Variants in MAP1A observed in about 807,000 individuals in gnomAD.
MAP1A encodes microtubule-associated protein 1A.
Under a neutral mutation model 185.9 loss-of-function variants are expected in MAP1A, and 42 were observed. The ratio of observed to expected loss-of-function variants is 0.23; its 90% confidence interval spans 0.18 to 0.29. The LOEUF (loss-of-function observed/expected upper bound fraction) is 0.29. Ranked by LOEUF, MAP1A falls within the 10% of genes least tolerant of loss-of-function variation. MAP1A has a pLI of 1.00. For missense variants in MAP1A, 2,995 were observed against 3,450.4 expected, an observed-to-expected ratio of 0.87 and a Z score of 3.31; for synonymous variants, 1,229 against 1,335.9, an observed-to-expected ratio of 0.92 and a Z score of 1.74.
intron 1 of MAP1A, among the ~76,000 whole-genome samples, chr15:43,511,570 A>G (rs2079278532): frequency 6.6e-6 from 1 of 152,090 alleles, no homozygotes; most frequent in African/African-American, 2.4e-5. Context: ...CCACGTCCCT[A>G]TCTTGCTGTA....
rs375898111 is a variant in MAP1A, at chr15:43,526,761, C to G, written c.5288C>G (p.Pro1763Arg). ...TTCAAGGATTTCCAGGAATCCTCAC[C>G]ACAGAAGGGGCTAGAGGTGGAGCGC... ...SDFKDFQESS[P>R]QKGLEVERWL... Residue 1763 changes from proline to arginine, a missense_variant, in exon 4 of 6, where the codon CCA becomes CGA. Pro to Arg is a moderately radical substitution (Grantham distance 103). Coordinates refer to ENST00000300231, the MANE Select transcript of MAP1A (RefSeq NM_002373.6). This position sits in a 1 kb window ranked among gnomAD's most constrained non-coding sequence, Gnocchi z 4.7. 36 of 1,614,040 alleles carry G rather than the reference C, an allele frequency of 2.2e-5. No homozygotes were observed. Among genetic ancestry groups the G allele is most frequent in the Admixed American group, 3.3e-5 (2 of 60,002 alleles).
At chr15:43,511,629 G>A (rs996468076) in intron 1 of MAP1A, among the ~76,000 whole-genome samples, 1 of 152,160 alleles carries the variant, frequency 6.6e-6, no homozygotes, top group Non-Finnish European at 1.5e-5. Flanking sequence ...TGAACGCCCC[G>A]TACAAATCTC....
Position 43,524,919 on chromosome 15 carries a change from A to C in MAP1A, c.3446A>C (p.Asp1149Ala), listed in dbSNP as rs1335382413. 2 of 1,614,046 alleles carry C rather than the reference A, an allele frequency of 1.2e-6. No homozygotes were observed. The highest frequency in any genetic ancestry group is 2.7e-5 in the African/African-American group (2 of 74,894). Reference protein sequence around the residue: ...RYPDRSLSPEDAESLSVLSVP... With the variant: ...RYPDRSLSPEAAESLSVLSVP... ...CCTGACCGAAGCCTCTCTCCTGAAG[A>C]TGCAGAATCCCTCTCTGTCCTCAGC... Residue 1149 changes from aspartate to alanine, a missense_variant, in exon 4 of 6, where the codon GAT becomes GCT. Coordinates refer to ENST00000300231, the MANE Select transcript of MAP1A (RefSeq NM_002373.6).
chr15:43,527,695 C>A lies in MAP1A; in HGVS notation c.6222C>A (p.Ser2074Arg). ...PRAPILSKGP[S>R]PPLNGNILSC... ...CTCCTATCCTGAGCAAAGGCCCAAG[C>A]CCCCCTCTTAATGGTAACATCCTGA... The change falls in exon 4 of 6, where the codon AGC becomes AGA. Residue 2074 changes from serine (S) to arginine (R), a missense_variant. By Grantham distance (110) the Ser-to-Arg change is moderately radical. Transcript: ENST00000300231. 6.2e-7 allele frequency: 1 copy of A among 1,612,502 alleles called. No individual in the cohort carries two copies. The highest frequency in any genetic ancestry group is 2.2e-5 in the East Asian group (1 of 44,754).
rs774151816 is a variant in MAP1A at position 43,528,760 on chromosome 15, G to A, written c.7287G>A (p.Glu2429=). ...SGGPPSSASP[E]VEAGPQGCAT... ...GCCCACCCAGCAGTGCCTCTCCTGA[G>A]GTCGAAGCTGGGCCCCAGGGATGTG... The change falls in exon 4 of 6, where the codon GAG becomes GAA. Residue 2429 remains glutamate (E), a synonymous_variant. Transcript: ENST00000300231. 1.2e-6 allele frequency: 2 copies of A among 1,613,428 alleles called. No individual in the cohort carries two copies. The highest frequency in any genetic ancestry group is 3.3e-5 in the Admixed American group (2 of 59,992).
At chr15:43,517,270 G>A (rs2079301015), upstream of MAP1A, among the ~76,000 whole-genome samples, 1 of 152,134 alleles carries the variant, frequency 6.6e-6, no homozygotes, top group South Asian at 2.1e-4. Flanking sequence ...TGGTTTCTAA[G>A]AGAAGGGGGA....
Position 43,529,153 on chromosome 15 carries a change from A to C in MAP1A, c.7680A>C (p.Pro2560=), listed in dbSNP as rs1595651540. ...GTHHPRPGHD[P]PPLPQPDPRP... ...ACCACCCCAGGCCTGGCCATGACCC[A>C]CCTCCTCTCCCACAGCCAGACCCCC... The change falls in exon 4 of 6, where the codon CCA becomes CCC. Residue 2560 remains proline, a synonymous_variant. Coordinates refer to ENST00000300231, the MANE Select transcript of MAP1A (RefSeq NM_002373.6). This position sits in a 1 kb window ranked among gnomAD's most constrained non-coding sequence, Gnocchi z 4.3. 1 of 1,612,030 alleles carries C rather than the reference A, an allele frequency of 6.2e-7. No individual in the cohort carries two copies. The highest frequency in any genetic ancestry group is 8.5e-7 in the Non-Finnish European group (1 of 1,179,624).
Position 43,528,102 on chromosome 15 carries a change from C to T in MAP1A, c.6629C>T (p.Thr2210Ile). Residue 2210 changes from threonine to isoleucine, a missense_variant, in exon 4 of 6, where the codon ACC becomes ATC. Transcript: ENST00000300231. ...CTGGCTCTGGCTCCAGGACCCCCCA[C>T]CAGAACCCGGCATGATGAATACCTG... ...RALALAPGPP[T>I]RTRHDEYLEV... is the part of the protein sequence containing the mutation. 4.3e-6 allele frequency: 7 copies of T among 1,614,100 alleles called. No homozygotes were observed. Among genetic ancestry groups the T allele is most frequent in the Non-Finnish European group, 5.9e-6 (7 of 1,180,010 alleles).
In MAP1A at chr15:43,524,529, C is replaced by G. The variant is rs1187304339; in HGVS notation, c.3056C>G (p.Ser1019Cys). Reference protein sequence around the residue: ...PFHQSPVEEKSEPQDFQEADS... With the variant: ...PFHQSPVEEKCEPQDFQEADS... Reference sequence around the variant, plus strand: ...CATCAGTCCCCAGTGGAAGAAAAGTCTGAGCCCCAAGACTTTCAGGAGGCA... The same window carrying G: ...CATCAGTCCCCAGTGGAAGAAAAGTGTGAGCCCCAAGACTTTCAGGAGGCA... Residue 1019 changes from serine (S) to cysteine (C), a missense_variant, in exon 4 of 6, where the codon TCT becomes TGT. Physicochemically the swap from Ser to Cys is moderately radical, Grantham distance 112. Transcript: ENST00000300231. The G allele has an allele frequency of 6.2e-7, 1 of 1,614,158 alleles. No homozygotes were observed. Among genetic ancestry groups the G allele is most frequent in the East Asian group, 2.2e-5 (1 of 44,872 alleles).
chr15:43,524,560 C>T lies in MAP1A; in HGVS notation c.3087C>T (p.Ser1029=). Residue 1029 remains serine, a synonymous_variant, in exon 4 of 6, where the codon TCC becomes TCT. Transcript: ENST00000300231. ...SEPQDFQEAD[S]WGDTKRTPGV... is the part of the protein sequence containing the mutation. ...CCCAAGACTTTCAGGAGGCAGACTC[C>T]TGGGGAGACACTAAGCGCACACCAG... 4 of 1,614,120 alleles carry T rather than the reference C, an allele frequency of 2.5e-6. No individual in the cohort carries two copies. The highest frequency in any genetic ancestry group is 3.4e-6 in the Non-Finnish European group (4 of 1,180,016).
In MAP1A at chr15:43,521,952, G is replaced by C. The variant is rs1217566207; in HGVS notation, c.479G>C (p.Cys160Ser). Reference sequence around the variant, plus strand: ...GCCAAGCGTAGCATTGAGGAGGCCTGCCTCACTCTGCAGCACTTAAACCGC... The same window carrying C: ...GCCAAGCGTAGCATTGAGGAGGCCTCCCTCACTCTGCAGCACTTAAACCGC... ...RKAKRSIEEA[C>S]LTLQHLNRLG... is the part of the protein sequence containing the mutation. Residue 160 changes from cysteine (C) to serine (S), a missense_variant, in exon 4 of 6, where the codon TGC (cysteine) becomes TCC (serine). Around this residue, in one of 3 missense-constraint regions of MAP1A, gnomAD observed 264 missense variants for 435.3 expected, o/e 0.61. Transcript: ENST00000300231. This position sits in a 1 kb window ranked among gnomAD's most constrained non-coding sequence, Gnocchi z 4.6. 1 of 1,614,148 alleles carries C rather than the reference G, an allele frequency of 6.2e-7. No individual in the cohort carries two copies. Among genetic ancestry groups the C allele is most frequent in the African/African-American group, 1.3e-5 (1 of 75,044 alleles).
exon 1 of MAP1A, chr15:43,511,209 G>T (rs2079275739): frequency 6.4e-7 from 1 of 1,550,400 alleles, no homozygotes; most frequent in Non-Finnish European, 8.7e-7. Flanking sequence ...AGGGCCGTGC[G>T]GGCCCACCTT....
rs2079360157 is a variant in MAP1A, at chr15:43,529,136, A to G, written c.7663A>G (p.Arg2555Gly). The G allele has an allele frequency of 1.2e-6, 2 of 1,613,324 alleles. No homozygotes were observed. Among genetic ancestry groups the G allele is most frequent in the African/African-American group, 2.7e-5 (2 of 74,976 alleles). Residue 2555 changes from arginine (R) to glycine (G), a missense_variant, in exon 4 of 6, where the codon AGG becomes GGG. Coordinates refer to ENST00000300231, the MANE Select transcript of MAP1A (RefSeq NM_002373.6). The surrounding 1 kb of genome is among the most constrained non-coding windows in gnomAD (Gnocchi z 4.3). ...GGGTGTCAGTGGTACTCACCACCCC[A>G]GGCCTGGCCATGACCCACCTCCTCT... ...AGGVSGTHHPRPGHDPPPLPQ... is the reference protein window; with the variant it reads ...AGGVSGTHHPGPGHDPPPLPQ...
In MAP1A at chr15:43,528,971, C is replaced by T. The variant is rs1299644808; in HGVS notation, c.7498C>T (p.Pro2500Ser). The change falls in exon 4 of 6, where the codon CCT becomes TCT. Residue 2500 changes from proline to serine, a missense_variant. Transcript: ENST00000300231. ...ATGCCCTGTGACTGATGAGACACCC[C>T]CTACATCAGCCAGTGACTCAGGCTC... ...GPCPVTDETP[P>S]TSASDSGSSQ... 2.5e-6 allele frequency: 4 copies of T among 1,613,266 alleles called. No homozygotes were observed. The highest frequency in any genetic ancestry group is 3.4e-6 in the Non-Finnish European group (4 of 1,180,022).
In MAP1A at chr15:43,526,399, G is replaced by T. The variant is rs372656438; in HGVS notation, c.4926G>T (p.Arg1642Ser). 3.9e-4 allele frequency: 629 copies of T among 1,614,078 alleles called. No individual in the cohort carries two copies. The highest frequency in any genetic ancestry group is 5.2e-4 in the Non-Finnish European group (612 of 1,180,040). Reference sequence around the variant, plus strand: ...GAGAGCAGGAAGAAAAGTACTGGAGGGGGCAGGATGTGGTCCAGGAGTGGC... The same window carrying T: ...GAGAGCAGGAAGAAAAGTACTGGAGTGGGCAGGATGTGGTCCAGGAGTGGC... ...RAREQEEKYW[R>S]GQDVVQEWQE... The change falls in exon 4 of 6, where the codon AGG (arginine) becomes AGT (serine). Residue 1642 changes from arginine (R) to serine (S), a missense_variant. Arg to Ser is a moderately radical substitution (Grantham distance 110, BLOSUM62 -1). Transcript: ENST00000300231. The surrounding 1 kb of genome is among the most constrained non-coding windows in gnomAD (Gnocchi z 4.7).
chr15:43,511,234 A>G, intron 1 of MAP1A: 2 of 1,546,620 alleles, frequency 1.3e-6, no homozygotes, highest in Non-Finnish European at 8.7e-7. Context: ...AAGGTGAGCC[A>G]CTGTTCTGGC....
Position 43,524,576 on chromosome 15 carries a change from C to T in MAP1A, c.3103C>T (p.Arg1035Cys), listed in dbSNP as rs372701580. ...GGCAGACTCCTGGGGAGACACTAAG[C>T]GCACACCAGGTGTGGGCAAAGAAGA... ...QEADSWGDTK[R>C]TPGVGKEDAA... The change falls in exon 4 of 6, where the codon CGC becomes TGC. Residue 1035 changes from arginine to cysteine, a missense_variant. By Grantham distance (180) the Arg-to-Cys change is radical. Coordinates refer to ENST00000300231, the MANE Select transcript of MAP1A (RefSeq NM_002373.6). 4.6e-5 allele frequency: 74 copies of T among 1,614,004 alleles called. No homozygotes were observed. Among genetic ancestry groups the T allele is most frequent in the African/African-American group, 8.0e-5 (6 of 74,904 alleles).
At chr15:43,519,185 C>G (rs551941894) in intron 1 of MAP1A, among the ~76,000 whole-genome samples, 1 of 152,336 alleles carries the variant, frequency 6.6e-6, no homozygotes, top group South Asian at 2.1e-4. Flanking sequence ...AAGCCCTGCC[C>G]TTGCCTACAT....
At position 43,527,946 on chromosome 15, in the gene MAP1A, G is replaced by A. The variant is rs755004939; in HGVS notation, c.6473G>A (p.Arg2158Gln). Reference sequence around the variant, plus strand: ...TTGGACTCACACCTGGGGCCTGCCCGACCCAGTCTGGACTTCCCTGCTTCA... The same window carrying A: ...TTGGACTCACACCTGGGGCCTGCCCAACCCAGTCTGGACTTCCCTGCTTCA... ...PPLDSHLGPA[R>Q]PSLDFPASAF... The change falls in exon 4 of 6, where the codon CGA (arginine) becomes CAA (glutamine). Residue 2158 changes from arginine to glutamine, a missense_variant. Physicochemically the swap from Arg to Gln is conservative, Grantham distance 43. Coordinates refer to ENST00000300231, the MANE Select transcript of MAP1A (RefSeq NM_002373.6). The A allele has an allele frequency of 1.4e-5, 23 of 1,614,028 alleles. No individual in the cohort carries two copies. Among genetic ancestry groups the A allele is most frequent in the Admixed American group, 5.0e-5 (3 of 60,018 alleles).
Sources: allele counts gnomAD v4.1 joint callset (sites outside exome capture counted in the v4.1 genomes callset), GRCh38; gene constraint gnomAD v4.1.1; regional missense constraint gnomAD v4.1.1; non-coding constraint Gnocchi (gnomAD v3.1); transcripts MANE v1.5; gene names NCBI Gene and HGNC (gene_info 2026-07-23, HGNC 2026-07-21).